The following GALNT14 variants were observed in gnomAD, a reference collection of about 807,000 sequenced individuals.
The protein encoded by GALNT14 is UDP-GalNAc:polypeptide N-acetylgalactosaminyltransferase 14.
GALNT14 carries 60 observed loss-of-function variants against 77.5 expected under a neutral mutation model. The observed-to-expected ratio is 0.77, with a 90% confidence interval of 0.63 to 0.96. GALNT14 has a LOEUF of 0.96. Ranked by LOEUF, GALNT14 falls within the 40% of genes least tolerant of loss-of-function variation. GALNT14 has a pLI of 0.00. For missense variants in GALNT14, 710 were observed against 731.0 expected (o/e 0.97, Z 0.33); for synonymous variants, 280 against 281.7 (o/e 0.99, Z 0.06).
At chr2:30,892,569 C>T in the GALNT14 span, among the ~76,000 whole-genome samples, 1 of 152,176 alleles carries the variant, frequency 6.6e-6, no homozygotes, top group Non-Finnish European at 1.5e-5. Context: ...TCTGGACTAC[C>T]TTTTCCAGCA....
chr2:30,962,192 T>G (rs911122017), intron 3 of GALNT14, among the ~76,000 whole-genome samples: 2 of 152,210 alleles, frequency 1.3e-5, no homozygotes, highest in Non-Finnish European at 2.9e-5. Context: ...TTTCCCTATC[T>G]GAAATTACTT....
At chr2:31,029,147 A>G (rs1672257297) in intron 1 of GALNT14, among the ~76,000 whole-genome samples, 1 of 152,206 alleles carries the variant, frequency 6.6e-6, no homozygotes, top group Non-Finnish European at 1.5e-5. Context: ...TTTCTGTTCT[A>G]CAATTCATTA....
chr2:30,976,995 T>C (rs1668671188), intron 2 of GALNT14, among the ~76,000 whole-genome samples: 1 of 152,036 alleles, frequency 6.6e-6, no homozygotes, highest in Admixed American at 6.5e-5. Flanking sequence ...GGTTCCCCCC[T>C]ACCAGTCGGT....
chr2:31,021,595 C>A (rs978448369), intron 1 of GALNT14, among the ~76,000 whole-genome samples: 10 of 152,170 alleles, frequency 6.6e-5, no homozygotes, highest in Admixed American at 6.5e-4. Flanking sequence ...CATGAGCCAC[C>A]ATGGCCAGCC....
At chr2:31,011,779 AC>A in intron 1 of GALNT14, among the ~76,000 whole-genome samples, 1 of 152,266 alleles carries the variant, frequency 6.6e-6, no homozygotes, top group Non-Finnish European at 1.5e-5. Flanking sequence ...CATGCCGAGC[AC>A]AGTCAGGAGG....
At position 31,037,282 on chromosome 2, in the gene GALNT14, T is replaced by C. The variant is rs559317721; in HGVS notation, c.130-44275A>G. On this transcript the variant is annotated intron_variant, in intron 1 of 14. Coordinates refer to ENST00000349752, the MANE Select transcript of GALNT14 (RefSeq NM_024572.4). ...GCTGTTGAGTCCCTCTAGTGAACTT[T>C]TCATTTCAGTTATTATACTTTTCAA... Among the ~76,000 whole-genome samples, 239 of 152,364 alleles carry C rather than the reference T, an allele frequency of 1.6e-3. 2 individuals carry two copies. Among genetic ancestry groups the C allele is most frequent in the African/African-American group, 5.5e-3 (227 of 41,588 alleles).
chr2:30,908,425 G>A (rs1291764075), downstream of GALNT14, among the ~76,000 whole-genome samples: 194 of 146,960 alleles, frequency 1.3e-3, no homozygotes, highest in African/African-American at 4.4e-3. Context: ...CAGACAAACA[G>A]AGAGCCAAAT....
intron 12 of GALNT14, 60 bp from the exon 13 acceptor site, chr2:30,924,323 C>T: frequency 6.4e-7 from 1 of 1,569,676 alleles, no homozygotes; most frequent in Non-Finnish European, 8.8e-7. Flanking sequence ...GCAAGACTAC[C>T]AGCTGGAGAG....
chr2:31,059,859 T>A (rs1674482569), intron 1 of GALNT14, among the ~76,000 whole-genome samples: 1 of 152,248 alleles, frequency 6.6e-6, no homozygotes, highest in Admixed American at 6.5e-5. Context: ...CCAGCCTTCA[T>A]AACTGTGAGC....
At chr2:30,931,150 G>A (rs975520180) in intron 10 of GALNT14, among the ~76,000 whole-genome samples, 12 of 152,130 alleles carry the variant, frequency 7.9e-5, no homozygotes, top group Non-Finnish European at 1.3e-4. Context: ...TGCCCTTCAC[G>A]TTTTTGTAAA....
the GALNT14 span, among the ~76,000 whole-genome samples, chr2:30,894,907 C>A: frequency 3.3e-5 from 5 of 152,012 alleles, no homozygotes; most frequent in Admixed American, 2.0e-4. Context: ...TGGAATGTTC[C>A]GAGGCTTCTG....
At chr2:30,948,303 C>T (rs944993601) in intron 6 of GALNT14, among the ~76,000 whole-genome samples, 100 of 152,242 alleles carry the variant, frequency 6.6e-4, no homozygotes, top group African/African-American at 2.2e-3. Flanking sequence ...ATATGTTTGG[C>T]CCTTGCCCAG....
chr2:31,130,792 A>T (rs7581470), intron 1 of GALNT14, among the ~76,000 whole-genome samples: 1 of 76,848 alleles, frequency 1.3e-5, no homozygotes, highest in Admixed American at 1.2e-4. Context: ...GTGCGCGCGC[A>T]CCTGTGTGTG....
chr2:31,122,077 T>C (rs1382116962), intron 1 of GALNT14, among the ~76,000 whole-genome samples: 2 of 152,142 alleles, frequency 1.3e-5, no homozygotes, highest in African/African-American at 2.4e-5. Flanking sequence ...TTCCTCCAGC[T>C]TGGAAGGAGA....
chr2:30,899,594 TCTTC>T, the GALNT14 span, among the ~76,000 whole-genome samples: 1 of 152,248 alleles, frequency 6.6e-6, no homozygotes, highest in African/African-American at 2.4e-5. Flanking sequence ...CCTCCTTCTT[TCTTC>T]CTTCATTATG....
intron 1 of GALNT14, among the ~76,000 whole-genome samples, chr2:31,010,233 C>T (rs966971446): frequency 3.3e-5 from 5 of 152,142 alleles, no homozygotes; most frequent in African/African-American, 1.2e-4. Flanking sequence ...GGTGATCCAC[C>T]TGCCTCAGCC....
At chr2:30,955,105 G>A (rs1473727368) in intron 6 of GALNT14, among the ~76,000 whole-genome samples, 1 of 152,176 alleles carries the variant, frequency 6.6e-6, no homozygotes, top group Non-Finnish European at 1.5e-5. Context: ...CAGAATTGTA[G>A]AGTAATTTAA....
At chr2:31,035,526 C>G (rs1158784110) in intron 1 of GALNT14, among the ~76,000 whole-genome samples, 1 of 148,280 alleles carries the variant, frequency 6.7e-6, no homozygotes, top group Non-Finnish European at 1.5e-5. Context: ...CAATCAATTC[C>G]CATCAATGGT....
intron 6 of GALNT14, among the ~76,000 whole-genome samples, chr2:30,946,651 T>A (rs1186569520): frequency 6.6e-6 from 1 of 152,270 alleles, no homozygotes; most frequent in East Asian, 1.9e-4. Flanking sequence ...CAGTCTCTGG[T>A]ATTTCTTTAT....
Sources: allele counts gnomAD v4.1 joint callset (sites outside exome capture counted in the v4.1 genomes callset), GRCh38; gene constraint gnomAD v4.1.1; transcripts MANE v1.5; gene names NCBI Gene and HGNC (gene_info 2026-07-23, HGNC 2026-07-21).